ZEB1: variants seen among roughly 807,000 people sequenced by gnomAD.
The protein encoded by ZEB1 is zinc finger E-box-binding homeobox 1.
In ZEB1, 21 loss-of-function variants were observed where a neutral mutation model predicts 84.9. The observed-to-expected ratio is 0.25, with a 90% confidence interval of 0.18 to 0.36. ZEB1 has a LOEUF of 0.36. Ranked by LOEUF, ZEB1 falls within the 10% of genes least tolerant of loss-of-function variation. The pLI is 1.00. For missense variants in ZEB1, 1,104 were observed against 1,330.2 expected, an observed-to-expected ratio of 0.83 and a Z score of 2.65; for synonymous variants, 420 against 471.1, an observed-to-expected ratio of 0.89 and a Z score of 1.41.
Position 31,467,454 on chromosome 10 carries a change from G to A in ZEB1, c.259+6217G>A, listed in dbSNP as rs1211762466. 2.0e-5 allele frequency among the ~76,000 whole-genome samples: 3 copies of A among 152,334 alleles called. No homozygotes were observed. In the South Asian group the frequency reaches 6.2e-4, roughly 32 times the overall value. ...CCACCACCATTCCTGCAGGACTGAG[G>A]TGAATCTAAACCACACACGACCATG... is the stretch of plus-strand genomic sequence containing the variant. On this transcript the variant is annotated intron_variant, in intron 2 of 8. Coordinates refer to ENST00000424869, the MANE Select transcript of ZEB1 (RefSeq NM_001174096.2).
intron 5 of ZEB1, among the ~76,000 whole-genome samples, chr10:31,513,192 A>G (rs1736327722): frequency 6.6e-6 from 1 of 152,188 alleles, no homozygotes; most frequent in African/African-American, 2.4e-5. Context: ...TTGGTGGCAG[A>G]CAGATAAATA....
intron 1 of ZEB1, among the ~76,000 whole-genome samples, chr10:31,409,175 G>T (rs982645864): frequency 3.9e-5 from 6 of 152,168 alleles, no homozygotes; most frequent in Non-Finnish European, 8.8e-5. Context: ...TCAGAGAAAT[G>T]CAAATCAAAA....
chr10:31,452,742 T>TGTGTGTGTGTGAGA lies in ZEB1; in HGVS notation c.59-8294_59-8293insTGTGTGTGTGAGAG, dbSNP rs1387786622. Among the ~76,000 whole-genome samples the TGTGTGTGTGTGAGA allele has an allele frequency of 4.5e-4, 41 of 90,806 alleles. 1 individual carries two copies. Among genetic ancestry groups the TGTGTGTGTGTGAGA allele is most frequent in the African/African-American group, 2.0e-3 (40 of 19,576 alleles). The allele number at this position is 90,806 out of a possible 152,430, so 59.6% of individuals were successfully genotyped here. On this transcript the variant is annotated intron_variant, in intron 1 of 8. Transcript: ENST00000424869. The stretch of plus-strand genomic sequence containing the variant: ...GTGTGTGTGTGTGTGTGTGTGTGTG[T>TGTGTGTGTGTGAGA]GAGAGAGAGAGAGAGAGAGAGAGAG...
chr10:31,466,670 A>G (rs1379624082), intron 2 of ZEB1, among the ~76,000 whole-genome samples: 1 of 152,244 alleles, frequency 6.6e-6, no homozygotes, highest in Non-Finnish European at 1.5e-5. Context: ...ATGATCTTAA[A>G]TAAACAACTT....
At chr10:31,442,377 G>A (rs1292862985) in intron 1 of ZEB1, among the ~76,000 whole-genome samples, 1 of 152,018 alleles carries the variant, frequency 6.6e-6, no homozygotes, top group East Asian at 1.9e-4. Context: ...TTGGACACAG[G>A]GTGGGGAACA....
chr10:31,350,817 A>G (rs577689888), intron 1 of ZEB1, among the ~76,000 whole-genome samples: 6 of 152,280 alleles, frequency 3.9e-5, no homozygotes, highest in African/African-American at 1.2e-4. Context: ...ATAAAATACA[A>G]TTTATGTTTT....
intron 1 of ZEB1, among the ~76,000 whole-genome samples, chr10:31,443,882 T>C (rs1432275290): frequency 6.6e-6 from 1 of 151,374 alleles, no homozygotes; most frequent in Non-Finnish European, 1.5e-5. Context: ...TACGTGTGCA[T>C]GTGTCTTTAT....
chr10:31,406,748 G>C (rs1253063831), intron 1 of ZEB1, among the ~76,000 whole-genome samples: 1 of 151,906 alleles, frequency 6.6e-6, no homozygotes, highest in Non-Finnish European at 1.5e-5. Context: ...TTGGTGTTTT[G>C]TTCATGAAGT....
intron 1 of ZEB1, among the ~76,000 whole-genome samples, chr10:31,347,916 C>T (rs1459085439): frequency 6.6e-6 from 1 of 152,122 alleles, no homozygotes; most frequent in Non-Finnish European, 1.5e-5. Context: ...ATATGAATTC[C>T]AGGGCCCTTC....
intron 2 of ZEB1, among the ~76,000 whole-genome samples, chr10:31,479,108 T>G (rs775171053): frequency 3.3e-5 from 5 of 151,880 alleles, no homozygotes; most frequent in African/African-American, 1.2e-4. Flanking sequence ...GAGACTGTTA[T>G]GAACAGTTAT....
chr10:31,479,302 C>T (rs1051203191), intron 2 of ZEB1, among the ~76,000 whole-genome samples: 3 of 151,860 alleles, frequency 2.0e-5, no homozygotes, highest in Non-Finnish European at 4.4e-5. Context: ...TTGTACTAAT[C>T]ATTTAAGGAA....
intron 1 of ZEB1, chr10:31,372,982 GT>G (rs1239011155): frequency 1.0e-6 from 1 of 984,902 alleles, no homozygotes; most frequent in Non-Finnish European, 1.2e-6. Flanking sequence ...CAGTTGGTGG[GT>G]GTGGGAACAA....
chr10:31,396,626 A>G (rs2050780969), intron 1 of ZEB1, among the ~76,000 whole-genome samples: 1 of 152,130 alleles, frequency 6.6e-6, no homozygotes. Context: ...AGAGAGAGAA[A>G]AGCTTCATTA....
chr10:31,518,892 A>G (rs763247647), intron 6 of ZEB1, among the ~76,000 whole-genome samples: 29 of 152,328 alleles, frequency 1.9e-4, no homozygotes, highest in Non-Finnish European at 3.4e-4. Flanking sequence ...AAATAATCAT[A>G]TTTATTAGAA....
intron 4 of ZEB1, among the ~76,000 whole-genome samples, chr10:31,503,796 TGCATTTCTC>T (rs1162060211): frequency 6.6e-6 from 1 of 152,140 alleles, no homozygotes; most frequent in African/African-American, 2.4e-5. Flanking sequence ...GGTTTTGATT[TGCATTTCTC>T]TAATGATTAG....
chr10:31,478,118 G>C (rs1328171009), intron 2 of ZEB1, among the ~76,000 whole-genome samples: 1 of 151,890 alleles, frequency 6.6e-6, no homozygotes, highest in East Asian at 1.9e-4. Flanking sequence ...CTCCGACAAA[G>C]AACTAATATC....
intron 1 of ZEB1, among the ~76,000 whole-genome samples, chr10:31,356,912 A>G (rs577980229): frequency 3.2e-4 from 48 of 152,258 alleles, no homozygotes; most frequent in African/African-American, 1.1e-3. Flanking sequence ...AAAGGATCCT[A>G]AAATACAGAT....
chr10:31,459,899 A>G (rs1298733554), intron 1 of ZEB1, among the ~76,000 whole-genome samples: 1 of 149,678 alleles, frequency 6.7e-6, no homozygotes, highest in African/African-American at 2.5e-5. Flanking sequence ...ATATGTATAC[A>G]TATTATTTAA....
At chr10:31,383,023 C>T (rs2047966243) in intron 1 of ZEB1, among the ~76,000 whole-genome samples, 1 of 151,718 alleles carries the variant, frequency 6.6e-6, no homozygotes, top group Non-Finnish European at 1.5e-5. Context: ...GTAATACATG[C>T]TGAGAGTCAC....
Sources: allele counts gnomAD v4.1 joint callset (sites outside exome capture counted in the v4.1 genomes callset), GRCh38; gene constraint gnomAD v4.1.1; transcripts MANE v1.5; gene names NCBI Gene and HGNC (gene_info 2026-07-23, HGNC 2026-07-21).